Variants in C19orf44 observed in about 807,000 individuals in gnomAD.
C19orf44 encodes the protein uncharacterized protein C19orf44.
In C19orf44, 43 loss-of-function variants were observed where a neutral mutation model predicts 50.7. The ratio of observed to expected loss-of-function variants is 0.85; its 90% confidence interval spans 0.66 to 1.09. The LOEUF (loss-of-function observed/expected upper bound fraction) is 1.09, where lower values mean the gene tolerates loss of function less well. Among genes scored for constraint, C19orf44 ranks in the 50% least tolerant of loss-of-function variants. C19orf44 has a pLI of 0.00. For missense variants in C19orf44, 722 were observed against 836.2 expected (o/e 0.86, Z 1.68); for synonymous variants, 298 against 334.7 (o/e 0.89, Z 1.20).
chr19:16,507,576 C>T (rs867956428), intron 4 of C19orf44, among the ~76,000 whole-genome samples: 1 of 150,334 alleles, frequency 6.7e-6, no homozygotes, highest in African/African-American at 2.4e-5. Context: ...ACTGCAACCT[C>T]CACCTCCCGG....
In C19orf44 at chr19:16,501,071, A is replaced by C. The variant is rs771323431; in HGVS notation, c.279A>C (p.Ala93=). 1.2e-6 allele frequency: 2 copies of C among 1,614,002 alleles called. No individual in the cohort carries two copies. Among genetic ancestry groups the C allele is most frequent in the Non-Finnish European group, 8.5e-7 (1 of 1,180,014 alleles). The change falls in exon 2 of 9, where the codon GCA becomes GCC. Residue 93 remains alanine (A), a synonymous_variant. Coordinates refer to ENST00000221671, the MANE Select transcript of C19orf44 (RefSeq NM_032207.4). ...TTASRIRANA[A]LMKLAQLETR... ...CCTCCAGGATCCGAGCCAATGCCGC[A>C]CTCATGAAGCTGGCCCAGCTGGAAA...
At position 16,513,121 on chromosome 19, in the gene C19orf44, GCTC is replaced by G. The variant is rs1450167318; in HGVS notation, c.1735+13_1735+15del. On this transcript the variant is annotated intron_variant, in intron 6 of 8. Transcript: ENST00000221671. ...AGATGCAATAGAAGGTAACAGCCCGGCTCGGGGGATCCTTCCTGTCACATTTTA... is the reference window on the plus strand; with the variant it reads ...AGATGCAATAGAAGGTAACAGCCCGGGGGGGATCCTTCCTGTCACATTTTA... 1 of 1,612,296 alleles carries G rather than the reference GCTC, an allele frequency of 6.2e-7. No individual in the cohort carries two copies. The highest frequency in any genetic ancestry group is 8.5e-7 in the Non-Finnish European group (1 of 1,178,808).
chr19:16,517,708 G>A (rs1054938617), intron 8 of C19orf44, among the ~76,000 whole-genome samples: 1 of 152,210 alleles, frequency 6.6e-6, no homozygotes, highest in South Asian at 2.1e-4. Flanking sequence ...TGAGCCAGAG[G>A]GAGACAGGGT....
chr19:16,521,001 C>G lies in C19orf44; in HGVS notation c.*948C>G. On this transcript the variant is annotated 3_prime_UTR_variant, in exon 9 of 9. Coordinates refer to ENST00000221671, the MANE Select transcript of C19orf44 (RefSeq NM_032207.4). ...GTCATCAGGAGTTAATCCACAGAAC[C>G]TTGGAGAGTACATGGCCCTGTGGCT... 2 of 1,136,850 alleles carry G rather than the reference C, an allele frequency of 1.8e-6. No homozygotes were observed. The highest frequency in any genetic ancestry group is 2.5e-5 in the South Asian group (2 of 81,194). The allele number at this position is 1,136,850 out of a possible 1,614,324, so 70.4% of individuals were successfully genotyped here.
Position 16,496,457 on chromosome 19 carries a change from T to G in C19orf44, c.-10T>G, listed in dbSNP as rs1185960779. 8.4e-6 allele frequency: 3 copies of G among 355,774 alleles called. No individual in the cohort carries two copies. Among genetic ancestry groups the G allele is most frequent in the Admixed American group, 4.2e-5 (1 of 23,698 alleles). The allele number at this position is 355,774 out of a possible 1,614,324, so 22.0% of individuals were successfully genotyped here. ...CGGCTGCCTCTGCGAATGGACGGCG[T>G]GGGAAGAGGTCGGCAGGGCTGGTGG... On this transcript the variant is annotated 5_prime_UTR_variant, in exon 1 of 9. Coordinates refer to ENST00000221671, the MANE Select transcript of C19orf44 (RefSeq NM_032207.4).
intron 1 of C19orf44, among the ~76,000 whole-genome samples, chr19:16,498,659 C>CCA (rs1402436564): frequency 1.3e-5 from 2 of 151,792 alleles, no homozygotes; most frequent in African/African-American, 4.8e-5. Flanking sequence ...GAAGTAGTAG[C>CCA]TCCTCATGGT....
chr19:16,503,583 A>T (rs1359614795), intron 3 of C19orf44, among the ~76,000 whole-genome samples: 2 of 152,116 alleles, frequency 1.3e-5, no homozygotes, highest in East Asian at 3.9e-4. Flanking sequence ...TTTAATTCTG[A>T]GACAGGGTCT....
In C19orf44 at chr19:16,520,584, G is replaced by C. The variant is rs2085602944; in HGVS notation, c.*531G>C. ...GCCCACCCTGGCCCTCAGGTTCCTA[G>C]ACCACCCCAGATGCAGGGGCTCTGG... is the stretch of plus-strand genomic sequence containing the variant. On this transcript the variant is annotated 3_prime_UTR_variant, in exon 9 of 9. Transcript: ENST00000221671. This position sits in a 1 kb window ranked among gnomAD's most constrained non-coding sequence, Gnocchi z 4.0. 1.9e-5 allele frequency: 28 copies of C among 1,503,050 alleles called. No individual in the cohort carries two copies. In the South Asian group the frequency reaches 3.3e-4, roughly 18 times the overall value. 93.1% of individuals were successfully genotyped at this position (1,503,050 alleles called of 1,614,324 possible).
At chr19:16,518,744 A>C in intron 8 of C19orf44, 1 of 219,338 alleles carries the variant, frequency 4.6e-6, no homozygotes, top group Non-Finnish European at 9.0e-6. Flanking sequence ...TGGAGGAAGG[A>C]GCTGGGGTGC....
chr19:16,518,963 G>A, intron 8 of C19orf44: 1 of 600,702 alleles, frequency 1.7e-6, no homozygotes, highest in Non-Finnish European at 2.9e-6. Flanking sequence ...GTTTGTGGGT[G>A]GCACCCGTGC....
At chr19:16,518,815 TC>T (rs1273533568) in intron 8 of C19orf44, 1 of 286,374 alleles carries the variant, frequency 3.5e-6, no homozygotes, top group Non-Finnish European at 6.7e-6. Context: ...GGAGGAGGCT[TC>T]AATCTGACTT....
Position 16,514,596 on chromosome 19 carries a change from A to G in C19orf44, c.1835A>G (p.His612Arg), listed in dbSNP as rs1449874880. The change falls in exon 7 of 9, where the codon CAC becomes CGC. Residue 612 changes from histidine (H) to arginine (R), a missense_variant. Transcript: ENST00000221671. ...QQFIQASRHL[H>R]ASLLRSLDAD... ...TTCATCCAGGCCAGCCGGCACCTGCACGCCTCCCTCCTGCGCTCCCTGGAC... is the reference window on the plus strand; with the variant it reads ...TTCATCCAGGCCAGCCGGCACCTGCGCGCCTCCCTCCTGCGCTCCCTGGAC... The G allele has an allele frequency of 6.2e-7, 1 of 1,606,008 alleles. No individual in the cohort carries two copies. The highest frequency in any genetic ancestry group is 1.1e-5 in the South Asian group (1 of 89,812).
At chr19:16,509,288 A>G (rs1268034773) in intron 4 of C19orf44, among the ~76,000 whole-genome samples, 8 of 152,158 alleles carry the variant, frequency 5.3e-5, no homozygotes, top group Admixed American at 5.2e-4. Flanking sequence ...CATGCGTCAC[A>G]CCATCAGGAT....
intron 1 of C19orf44, among the ~76,000 whole-genome samples, chr19:16,499,284 CT>C (rs1010713872): frequency 6.7e-6 from 1 of 149,294 alleles, no homozygotes; most frequent in Non-Finnish European, 1.5e-5. Context: ...TGTATAGAAT[CT>C]TTTTTTTTTC....
At chr19:16,503,772 C>T (rs2093432485) in intron 3 of C19orf44, among the ~76,000 whole-genome samples, 1 of 152,084 alleles carries the variant, frequency 6.6e-6, no homozygotes, top group Non-Finnish European at 1.5e-5. Flanking sequence ...ACCATGTTGT[C>T]CAGGCTGATC....
rs1249713068 is a variant in C19orf44, at chr19:16,519,693, T to G, written c.*41-401T>G. On this transcript the variant is annotated intron_variant, in intron 8 of 8. Transcript: ENST00000221671. The surrounding 1 kb of genome is among the most constrained non-coding windows in gnomAD (Gnocchi z 6.0). Reference sequence around the variant, plus strand: ...GAGTCAGGGATGGGAGGCGCCGAATTAGAACCCAGACCAGCAGAGGAACTA... The same window carrying G: ...GAGTCAGGGATGGGAGGCGCCGAATGAGAACCCAGACCAGCAGAGGAACTA... The G allele has an allele frequency of 6.2e-7, 1 of 1,613,904 alleles. No individual in the cohort carries two copies. The highest frequency in any genetic ancestry group is 1.7e-5 in the Admixed American group (1 of 60,002).
intron 1 of C19orf44, among the ~76,000 whole-genome samples, chr19:16,497,951 C>T (rs2093414697): frequency 6.6e-6 from 1 of 151,904 alleles, no homozygotes; most frequent in Non-Finnish European, 1.5e-5. Context: ...CTTGTTTCTA[C>T]AAAAAGTTAG....
intron 2 of C19orf44, among the ~76,000 whole-genome samples, chr19:16,501,767 G>A (rs992477374): frequency 1.3e-5 from 2 of 150,518 alleles, no homozygotes; most frequent in African/African-American, 4.9e-5. Context: ...AATTTTATGT[G>A]TTTAGTAGAG....
At chr19:16,511,708 A>G (rs184337302) in intron 5 of C19orf44, among the ~76,000 whole-genome samples, 10 of 151,970 alleles carry the variant, frequency 6.6e-5, no homozygotes, top group South Asian at 6.2e-4. Context: ...AGCCTCCCCA[A>G]TAGCTGGGAC....
Sources: allele counts gnomAD v4.1 joint callset (sites outside exome capture counted in the v4.1 genomes callset), GRCh38; gene constraint gnomAD v4.1.1; non-coding constraint Gnocchi (gnomAD v3.1); transcripts MANE v1.5; gene names NCBI Gene and HGNC (gene_info 2026-07-23, HGNC 2026-07-21).